The following NLGN1 variants were observed in gnomAD, a reference collection of about 807,000 sequenced individuals.
NLGN1 encodes neuroligin 1.
In NLGN1, 12 loss-of-function variants were observed where a neutral mutation model predicts 65.5. The observed-to-expected ratio is 0.18, with a 90% CI of 0.12 to 0.30. NLGN1 has a LOEUF of 0.30. NLGN1 is among the 10% of genes least tolerant of loss of function. The pLI is 1.00. For synonymous variants in NLGN1, 350 were observed against 359.5 expected (o/e 0.97, Z 0.30); for missense variants, 750 against 1,007.1 (o/e 0.74, Z 3.46).
intron 4 of NLGN1, among the ~76,000 whole-genome samples, chr3:174,236,156 A>G (rs972766351): frequency 1.3e-5 from 2 of 152,144 alleles, no homozygotes; most frequent in Non-Finnish European, 2.9e-5. Flanking sequence ...GAGGCCTACC[A>G]TACAATCAGT....
chr3:173,573,766 C>T (rs1745027825), intron 2 of NLGN1, among the ~76,000 whole-genome samples: 1 of 150,420 alleles, frequency 6.6e-6, no homozygotes, highest in South Asian at 2.1e-4. Flanking sequence ...GATTAAGAGT[C>T]AAAAAAAGAT....
intron 4 of NLGN1, among the ~76,000 whole-genome samples, chr3:173,985,527 G>C (rs1438413097): frequency 6.6e-6 from 1 of 152,140 alleles, no homozygotes; most frequent in Non-Finnish European, 1.5e-5. Context: ...ACAATACAAG[G>C]AATTTTAAAA....
chr3:173,426,422 A>G (rs1577397403), intron 1 of NLGN1, among the ~76,000 whole-genome samples: 1 of 152,078 alleles, frequency 6.6e-6, no homozygotes, highest in African/African-American at 2.4e-5. Context: ...ATTTGACAAT[A>G]AAGTTTTTCA....
chr3:173,483,374 G>A (rs1727622689), intron 2 of NLGN1, among the ~76,000 whole-genome samples: 1 of 151,882 alleles, frequency 6.6e-6, no homozygotes, highest in Admixed American at 6.6e-5. Flanking sequence ...TTTCATGAAG[G>A]TCAAAGCAGT....
chr3:174,049,228 G>C (rs976215932), intron 4 of NLGN1, among the ~76,000 whole-genome samples: 1 of 152,048 alleles, frequency 6.6e-6, no homozygotes, highest in African/African-American at 2.4e-5. Flanking sequence ...TATGTGTAAC[G>C]CAGTAGCTAT....
chr3:173,945,237 G>A (rs1746935138), intron 4 of NLGN1, among the ~76,000 whole-genome samples: 1 of 151,976 alleles, frequency 6.6e-6, no homozygotes, highest in Non-Finnish European at 1.5e-5. Flanking sequence ...GTGGGAACAG[G>A]AACCAAAAAC....
chr3:173,850,212 C>T (rs963640493), intron 4 of NLGN1, among the ~76,000 whole-genome samples: 1 of 152,024 alleles, frequency 6.6e-6, no homozygotes, highest in Admixed American at 6.6e-5. Flanking sequence ...TCCATTTATT[C>T]ATATATATCT....
chr3:173,430,238 GT>G (rs1431992786), intron 1 of NLGN1, among the ~76,000 whole-genome samples: 1 of 152,048 alleles, frequency 6.6e-6, no homozygotes, highest in East Asian at 1.9e-4. Context: ...TCATTTCGCT[GT>G]GATAACTGGA....
chr3:174,153,299 G>A (rs1286021364), intron 4 of NLGN1, among the ~76,000 whole-genome samples: 4 of 152,084 alleles, frequency 2.6e-5, no homozygotes, highest in Non-Finnish European at 5.9e-5. Context: ...TTATACTAAT[G>A]TAAGCAAGGT....
At chr3:174,112,660 C>T (rs751058079) in intron 4 of NLGN1, among the ~76,000 whole-genome samples, 17 of 151,914 alleles carry the variant, frequency 1.1e-4, no homozygotes, top group Non-Finnish European at 2.5e-4. Context: ...TCACTCATTA[C>T]TTCCGCTTAA....
At chr3:173,948,304 C>G (rs1747562374) in intron 4 of NLGN1, among the ~76,000 whole-genome samples, 1 of 152,112 alleles carries the variant, frequency 6.6e-6, no homozygotes, top group Non-Finnish European at 1.5e-5. Context: ...AGCACAGGGT[C>G]AAGAACACAA....
Position 173,675,029 on chromosome 3 carries a change from G to A in NLGN1, c.493+69938G>A, listed in dbSNP as rs202247123. Among the ~76,000 whole-genome samples, 23 of 151,220 alleles carry A rather than the reference G, an allele frequency of 1.5e-4. No individual in the cohort carries two copies. In the East Asian group the frequency reaches 3.5e-3, roughly 23 times the overall value. On this transcript the variant is annotated intron_variant, in intron 3 of 6. Coordinates refer to ENST00000457714, the Ensembl canonical transcript of NLGN1. ...AATCAGTGTGGTAGCATTATTTTTC[G>A]TATGTTGGCCGGAAGTTTTGATTGA...
intron 4 of NLGN1, among the ~76,000 whole-genome samples, chr3:173,869,797 G>A (rs913286927): frequency 2.0e-5 from 3 of 152,048 alleles, no homozygotes; most frequent in Non-Finnish European, 4.4e-5. Context: ...TCCTACAAAC[G>A]AGGCTTTAAT....
At chr3:174,128,984 C>A (rs148677856) in intron 4 of NLGN1, among the ~76,000 whole-genome samples, 1 of 152,044 alleles carries the variant, frequency 6.6e-6, no homozygotes, top group Non-Finnish European at 1.5e-5. Flanking sequence ...GAGAGCAGAA[C>A]GTTGCATCTG....
intron 4 of NLGN1, among the ~76,000 whole-genome samples, chr3:174,144,063 C>T (rs1215332445): frequency 2.6e-5 from 4 of 152,138 alleles, no homozygotes; most frequent in African/African-American, 7.2e-5. Context: ...CTATCCTCCC[C>T]TAGCCTCCCA....
intron 1 of NLGN1, among the ~76,000 whole-genome samples, chr3:173,406,514 C>CAT (rs1010354941): frequency 5.9e-4 from 87 of 146,712 alleles, no homozygotes; most frequent in Non-Finnish European, 1.1e-3. Context: ...ATATGAATCA[C>CAT]ATATATATGA....
rs148199698 is a variant in NLGN1 at position 174,074,067 on chromosome 3, C to T, written c.647-201248C>T. ...AGTATGCAGGAAGGGTGTCAGTGCA[C>T]TGAAAAGCTTGGGAATAGAATTCTT... On this transcript the variant is annotated intron_variant, in intron 4 of 6. Coordinates refer to ENST00000457714, the Ensembl canonical transcript of NLGN1. Among the ~76,000 whole-genome samples, 572 of 152,208 alleles carry T rather than the reference C, an allele frequency of 3.8e-3. 2 individuals carry two copies. Among genetic ancestry groups the T allele is most frequent in the African/African-American group, 0.013 (533 of 41,530 alleles).
At chr3:173,478,988 C>T (rs1354750345) in intron 2 of NLGN1, among the ~76,000 whole-genome samples, 1 of 151,924 alleles carries the variant, frequency 6.6e-6, no homozygotes, top group Admixed American at 6.6e-5. Flanking sequence ...ATGTAATAAT[C>T]AGGGTTGATA....
At chr3:173,537,622 T>A (rs973144356) in intron 2 of NLGN1, among the ~76,000 whole-genome samples, 1 of 152,194 alleles carries the variant, frequency 6.6e-6, no homozygotes, top group Non-Finnish European at 1.5e-5. Flanking sequence ...GGCTACTTTC[T>A]TCTACTATGC....
Sources: gnomAD v4.1 joint callset for allele counts (sites outside exome capture counted in the v4.1 genomes callset) on GRCh38, gnomAD v4.1.1 for gene constraint, MANE v1.5 for transcripts, NCBI Gene and HGNC (gene_info 2026-07-23, HGNC 2026-07-21) for gene names.